The following SNAPC4 variants were observed in gnomAD, a reference collection of about 807,000 sequenced individuals.
SNAPC4 encodes snRNA-activating protein complex subunit 4.
In SNAPC4, 127 loss-of-function variants were observed where a neutral mutation model predicts 151.3. That is an observed-to-expected ratio of 0.84 (90% confidence interval 0.73 to 0.97). The LOEUF is 0.97. SNAPC4 is among the 50% of genes least tolerant of loss of function. The pLI is 0.00. For synonymous variants in SNAPC4, 1,002 were observed against 824.4 expected, an observed-to-expected ratio of 1.22 and a Z score of -3.69; for missense variants, 2,186 against 1,935.0, an observed-to-expected ratio of 1.13 and a Z score of -2.43.
chr9:136,379,831 A>C lies in SNAPC4; in HGVS notation c.2527+6T>G, dbSNP rs377518784. The C allele has an allele frequency of 2.2e-5, 35 of 1,613,168 alleles. No individual in the cohort carries two copies. Among genetic ancestry groups the C allele is most frequent in the Non-Finnish European group, 2.7e-5 (32 of 1,179,622 alleles). On this transcript the variant is annotated splice_donor_region_variant and intron_variant, in intron 21 of 23. Coordinates refer to ENST00000684778, the MANE Select transcript of SNAPC4 (RefSeq NM_003086.4). ...CTTCCCCACCAGGGCAGAGAAGCAG[A>C]GTTACCTGGGGTGCTCTGGGCACTT...
In SNAPC4 at chr9:136,398,333, G is replaced by C. The variant is rs887317491; in HGVS notation, c.96C>G (p.Ile32Met). The part of the protein sequence containing the change: ...DPGSSGSHVE[I>M]SESSLESDSE... Reference sequence around the variant, plus strand: ...AATCTGACTCGAGACTTGATTCTGAGATCTCCACGTGGGAGCCCGAGGAGC... The same window carrying C: ...AATCTGACTCGAGACTTGATTCTGACATCTCCACGTGGGAGCCCGAGGAGC... The change falls in exon 2 of 24, where the codon ATC (isoleucine) becomes ATG (methionine). Residue 32 changes from isoleucine (I) to methionine (M), a missense_variant. Transcript: ENST00000684778. 6.2e-7 allele frequency: 1 copy of C among 1,613,852 alleles called. No individual in the cohort carries two copies. Among genetic ancestry groups the C allele is most frequent in the Non-Finnish European group, 8.5e-7 (1 of 1,179,824 alleles).
chr9:136,378,875 C>A lies in SNAPC4; in HGVS notation c.2952G>T (p.Met984Ile), dbSNP rs1307186682. 1 of 1,610,854 alleles carries A rather than the reference C, an allele frequency of 6.2e-7. No homozygotes were observed. Among genetic ancestry groups the A allele is most frequent in the Admixed American group, 1.7e-5 (1 of 59,772 alleles). ...AGACAGGAGCGAGGGGCAGGGCTTG[C>A]ATGGTGGAGAGTCTCTTGTCCTTGG... ...TSAKDKRLST[M>I]QALPLAPVFS... The change falls in exon 22 of 24, where the codon ATG becomes ATT. Residue 984 changes from methionine (M) to isoleucine (I), a missense_variant. Coordinates refer to ENST00000684778, the MANE Select transcript of SNAPC4 (RefSeq NM_003086.4).
intron 7 of SNAPC4, 43 bp from the exon 8 acceptor site, chr9:136,392,820 TGCGGG>T (rs1260381073): frequency 1.3e-6 from 2 of 1,540,616 alleles, no homozygotes; most frequent in Non-Finnish European, 8.9e-7. Context: ...GCACGAGGGC[TGCGGG>T]GCGGGGCAGG....
Position 136,392,668 on chromosome 9 carries a change from C to G in SNAPC4, c.737+5G>C, listed in dbSNP as rs777017571. 1.9e-6 allele frequency: 3 copies of G among 1,613,536 alleles called. No individual in the cohort carries two copies. In the Admixed American group the frequency reaches 5.0e-5, roughly 27 times the overall value. On this transcript the variant is annotated splice_donor_5th_base_variant and intron_variant, in intron 8 of 23. Coordinates refer to ENST00000684778, the MANE Select transcript of SNAPC4 (RefSeq NM_003086.4). ...CCCTGGGCCCTCCCGGGAGGCCCCCCTCACTTGATGTCCTGGATCTCCTTC... is the reference window on the plus strand; with the variant it reads ...CCCTGGGCCCTCCCGGGAGGCCCCCGTCACTTGATGTCCTGGATCTCCTTC...
intron 17 of SNAPC4, 58 bp downstream of exon 17, chr9:136,382,195 C>T: frequency 3.7e-6 from 6 of 1,602,206 alleles, no homozygotes; most frequent in Non-Finnish European, 5.1e-6. Flanking sequence ...AGAGGAATCA[C>T]TCAGACCAGG....
At chr9:136,394,415 C>A (rs1834188468) in intron 6 of SNAPC4, 85 bp from the exon 7 acceptor site, 1 of 1,271,746 alleles carries the variant, frequency 7.9e-7, no homozygotes, top group Admixed American at 1.7e-5. Flanking sequence ...CTTCCCGAGG[C>A]AGTGGTGGGG....
At position 136,396,888 on chromosome 9, in the gene SNAPC4, T is replaced by A; in HGVS notation, c.177+89A>T. On this transcript the variant is annotated intron_variant, in intron 3 of 23. Transcript: ENST00000684778. Reference sequence around the variant, plus strand: ...TTTTTATAATGCAGAAAAACCAATATGGGTTCAAACCACGCCCCCTCCCAG... The same window carrying A: ...TTTTTATAATGCAGAAAAACCAATAAGGGTTCAAACCACGCCCCCTCCCAG... 3.1e-6 allele frequency: 3 copies of A among 963,694 alleles called. No homozygotes were observed. The South Asian group carries it at 3.9e-5, about 12-fold the overall frequency. 59.7% of individuals were successfully genotyped at this position (963,694 alleles called of 1,614,324 possible). A position where few individuals can be genotyped will look rare whatever the true frequency, so the allele number is the denominator to read the frequency against.
chr9:136,396,621 A>C (rs534809330), intron 3 of SNAPC4, among the ~76,000 whole-genome samples: 1 of 152,324 alleles, frequency 6.6e-6, no homozygotes, highest in Non-Finnish European at 1.5e-5. Context: ...CTTGTGCTGT[A>C]AACGTCCCCG....
rs541837349 is a variant in SNAPC4, at chr9:136,393,739, G to A, written c.632+510C>T. ...TCGTGGCTGTGTGGACTGATCCTGCGCTTAGCCGCCCGCCCGGCCATGGGG... is the reference window on the plus strand; with the variant it reads ...TCGTGGCTGTGTGGACTGATCCTGCACTTAGCCGCCCGCCCGGCCATGGGG... On this transcript the variant is annotated intron_variant, in intron 7 of 23. Coordinates refer to ENST00000684778, the MANE Select transcript of SNAPC4 (RefSeq NM_003086.4). 1.9e-4 allele frequency among the ~76,000 whole-genome samples: 29 copies of A among 152,346 alleles called. No individual in the cohort carries two copies. In the East Asian group the frequency reaches 4.8e-3, roughly 25 times the overall value.
Position 136,395,310 on chromosome 9 carries a change from C to T in SNAPC4, c.459G>A (p.Lys153=). The T allele has an allele frequency of 1.9e-6, 3 of 1,613,492 alleles. No individual in the cohort carries two copies. The highest frequency in any genetic ancestry group is 2.5e-6 in the Non-Finnish European group (3 of 1,179,902). Residue 153 remains lysine, a synonymous_variant, in exon 5 of 24, where the codon AAG becomes AAA. Transcript: ENST00000684778. The part of the protein sequence containing the change: ...GHFMKPYFKD[K]VTGVGPPANE... ...CTCGGCCACTCACCACGCCCGTGACCTTGTCCTTGAAATACGGCTTCATGA... is the reference window on the plus strand; with the variant it reads ...CTCGGCCACTCACCACGCCCGTGACTTTGTCCTTGAAATACGGCTTCATGA...
intron 1 of SNAPC4, among the ~76,000 whole-genome samples, chr9:136,399,109 TAGAG>T (rs954822995): frequency 2.0e-5 from 3 of 152,124 alleles, no homozygotes; most frequent in Non-Finnish European, 4.4e-5. Context: ...AGAAGGACGC[TAGAG>T]AGAGAGTGGG....
intron 20 of SNAPC4, 101 bp downstream of exon 20, chr9:136,380,639 C>CGGTGGAGCG (rs1338319504): frequency 4.5e-6 from 3 of 672,298 alleles, no homozygotes; most frequent in Non-Finnish European, 8.1e-6. Flanking sequence ...TGAGGGGCTG[C>CGGTGGAGCG]GGTGGAGCGG....
intron 10 of SNAPC4, among the ~76,000 whole-genome samples, chr9:136,390,536 C>CA (rs1320174084): frequency 9.3e-6 from 1 of 107,158 alleles, no homozygotes; most frequent in Non-Finnish European, 1.7e-5. Context: ...GCCTGGGCGA[C>CA]AGAGTGAGAC....
Position 136,379,758 on chromosome 9 carries a change from AGCCAGGGCCAGGTTAGGCCTCTTCCCC to A in SNAPC4, c.2527+52_2527+78del, listed in dbSNP as rs887945041. On this transcript the variant is annotated intron_variant, in intron 21 of 23. Coordinates refer to ENST00000684778, the MANE Select transcript of SNAPC4 (RefSeq NM_003086.4). ...GTGCTGCTTGGGGGCTGTGGGTGAA[AGCCAGGGCCAGGTTAGGCCTCTTCCCC>A]GCCAGGGCCAGGTTAGGTCTCTTCC... 55 of 1,367,752 alleles carry A rather than the reference AGCCAGGGCCAGGTTAGGCCTCTTCCCC, an allele frequency of 4.0e-5. 1 individual carries two copies. Among genetic ancestry groups the A allele is most frequent in the East Asian group, 1.2e-4 (5 of 42,144 alleles). 84.7% of individuals were successfully genotyped at this position (1,367,752 alleles called of 1,614,324 possible).
At chr9:136,397,586 C>T (rs1366197588) in intron 2 of SNAPC4, among the ~76,000 whole-genome samples, 5 of 124,930 alleles carry the variant, frequency 4.0e-5, no homozygotes, top group African/African-American at 1.5e-4. Context: ...GGGTGGGGAG[C>T]CTATGGGGTG....
At position 136,376,469 on chromosome 9, in the gene SNAPC4, A is replaced by T. The variant is rs1833450986; in HGVS notation, c.4297T>A (p.Ser1433Thr). 1 of 1,613,008 alleles carries T rather than the reference A, an allele frequency of 6.2e-7. No homozygotes were observed. The highest frequency in any genetic ancestry group is 1.3e-5 in the African/African-American group (1 of 74,906). The change falls in exon 23 of 24, where the codon TCT becomes ACT. Residue 1433 changes from serine to threonine, a missense_variant. Physicochemically the swap from Ser to Thr is moderately conservative, Grantham distance 58 (BLOSUM62 1). Transcript: ENST00000684778. ...CAGGAGGAAGCAGAGCATTTACCAG[A>T]GTCTGGGGCTCCCTGAAAGAAAATC... is the stretch of plus-strand genomic sequence containing the variant. ...ATCPIQGAPD[S>T]GKCSASSCLD...
intron 11 of SNAPC4, 151 bp from the exon 12 acceptor site, chr9:136,387,999 G>C: frequency 1.6e-6 from 1 of 626,098 alleles, no homozygotes. Context: ...AGGTGCAGTG[G>C]CATCATGCCT....
Position 136,382,035 on chromosome 9 carries a change from G to T in SNAPC4, c.2106C>A (p.Ser702=), listed in dbSNP as rs750638258. Residue 702 remains serine (S), a synonymous_variant, in exon 18 of 24, where the codon TCC becomes TCA. Coordinates refer to ENST00000684778, the MANE Select transcript of SNAPC4 (RefSeq NM_003086.4). The part of the protein sequence containing the change: ...QLRQPPLPTS[S]PGVSSGDSVA... ...CGCTGTCACCAGAGCTGACCCCTGG[G>T]GATGAGGTGGGCAGGGGTGGCTGCC... The T allele has an allele frequency of 1.2e-5, 20 of 1,602,636 alleles. No homozygotes were observed. The highest frequency in any genetic ancestry group is 2.1e-4 in the Middle Eastern group (1 of 4,702).
chr9:136,385,338 G>A lies in SNAPC4; in HGVS notation c.1326-524C>T, dbSNP rs149323886. 2.6e-4 allele frequency among the ~76,000 whole-genome samples: 39 copies of A among 152,334 alleles called. No individual in the cohort carries two copies. In the East Asian group the frequency reaches 5.2e-3, roughly 20 times the overall value. ...CCTCATACATTCCTAGTGGGAATAC[G>A]AAATGGTTCAACCTCTTTGGGAAAC... On this transcript the variant is annotated intron_variant, in intron 13 of 23. Transcript: ENST00000684778.
Sources: gnomAD v4.1 joint callset for allele counts (sites outside exome capture counted in the v4.1 genomes callset) on GRCh38, gnomAD v4.1.1 for gene constraint, MANE v1.5 for transcripts, NCBI Gene and HGNC (gene_info 2026-07-23, HGNC 2026-07-21) for gene names.